Variants in PTPRC observed in about 807,000 individuals in gnomAD.
PTPRC encodes the protein protein tyrosine phosphatase receptor type C.
A neutral mutation model predicts 155.9 loss-of-function variants in PTPRC; 44 were observed. The ratio of observed to expected loss-of-function variants is 0.28; its 90% CI spans 0.22 to 0.36. The LOEUF is 0.36. PTPRC is among the 10% of genes least tolerant of loss of function. The pLI is 1.00. For missense variants in PTPRC, 1,401 were observed against 1,564.6 expected, an observed-to-expected ratio of 0.90 and a Z score of 1.76; for synonymous variants, 525 against 533.1, an observed-to-expected ratio of 0.98 and a Z score of 0.21.
chr1:198,676,330 C>A (rs3754097), intron 2 of PTPRC, among the ~76,000 whole-genome samples: 1 of 152,074 alleles, frequency 6.6e-6, no homozygotes, highest in Admixed American at 6.5e-5. Flanking sequence ...AAATTGAATA[C>A]GAACTTGAAA....
chr1:198,670,671 A>G (rs1045068677), intron 2 of PTPRC, among the ~76,000 whole-genome samples: 1 of 152,154 alleles, frequency 6.6e-6, no homozygotes, highest in Non-Finnish European at 1.5e-5. Flanking sequence ...ACAAGTCTCT[A>G]TCTAATTCAT....
chr1:198,725,873 T>C (rs1231399852), intron 15 of PTPRC, among the ~76,000 whole-genome samples: 1 of 152,192 alleles, frequency 6.6e-6, no homozygotes, highest in Non-Finnish European at 1.5e-5. Flanking sequence ...TGGCCTCCTT[T>C]CTTTTGTTTT....
intron 14 of PTPRC, among the ~76,000 whole-genome samples, chr1:198,721,408 T>G (rs1213687339): frequency 6.6e-6 from 1 of 152,188 alleles, no homozygotes; most frequent in Non-Finnish European, 1.5e-5. Context: ...GGATTGTACT[T>G]TGGTAAAATT....
chr1:198,730,817 A>T (rs1654352141), intron 17 of PTPRC, among the ~76,000 whole-genome samples: 1 of 152,100 alleles, frequency 6.6e-6, no homozygotes, highest in South Asian at 2.1e-4. Flanking sequence ...ATTGTATAGA[A>T]AGTTTCCATG....
At chr1:198,663,047 T>C (rs1664072566) in intron 2 of PTPRC, among the ~76,000 whole-genome samples, 1 of 152,178 alleles carries the variant, frequency 6.6e-6, no homozygotes, top group Non-Finnish European at 1.5e-5. Context: ...TGTGTTGTAC[T>C]TCCCACGTCT....
At chr1:198,720,598 G>A (rs1019943201) in intron 14 of PTPRC, among the ~76,000 whole-genome samples, 1 of 151,994 alleles carries the variant, frequency 6.6e-6, no homozygotes, top group African/African-American at 2.4e-5. Flanking sequence ...CAAAGTGCTG[G>A]GATTACAGGC....
At chr1:198,728,584 CA>C in intron 16 of PTPRC, 136 bp downstream of exon 16, 1 of 1,011,734 alleles carries the variant, frequency 9.9e-7, no homozygotes, top group Non-Finnish European at 1.4e-6. Context: ...CACTTCATGA[CA>C]CAACTTTTAA....
rs941109919 is a variant in PTPRC at position 198,699,675 on chromosome 1, A to G, written c.410A>G (p.Asn137Ser). Reference protein sequence around the residue: ...FSGSAANAKLNPTPGSNAISD... With the variant: ...FSGSAANAKLSPTPGSNAISD... ...GGCTCCGCCGCCAATGCAAAACTCA[A>G]CCCTACCCCAGGCAGCAATGCTATC... The change falls in exon 5 of 33, where the codon AAC becomes AGC. Residue 137 changes from asparagine (N) to serine (S), a missense_variant. By Grantham distance (46) the Asn-to-Ser change is conservative. Coordinates refer to ENST00000442510, the MANE Select transcript of PTPRC (RefSeq NM_002838.5). 10 of 1,613,844 alleles carry G rather than the reference A, an allele frequency of 6.2e-6. No individual in the cohort carries two copies. The highest frequency in any genetic ancestry group is 1.3e-5 in the African/African-American group (1 of 74,854).
chr1:198,716,658 A>AT (rs771878708), intron 12 of PTPRC, 24 bp from the exon 13 acceptor site: 22 of 1,604,792 alleles, frequency 1.4e-5, no homozygotes, highest in Admixed American at 3.3e-5. Flanking sequence ...CGACTTACTA[A>AT]TTTTTTTTCA....
chr1:198,644,207 T>C (rs1261762458), intron 2 of PTPRC, among the ~76,000 whole-genome samples: 1 of 151,902 alleles, frequency 6.6e-6, no homozygotes, highest in Non-Finnish European at 1.5e-5. Context: ...ATATCTTCAG[T>C]TTAAAATTAA....
chr1:198,659,522 A>G (rs537469967), intron 2 of PTPRC, among the ~76,000 whole-genome samples: 1 of 151,390 alleles, frequency 6.6e-6, no homozygotes, highest in African/African-American at 2.4e-5. Context: ...CCAAACCAAC[A>G]TGGCTTTGAA....
intron 15 of PTPRC, among the ~76,000 whole-genome samples, chr1:198,725,330 A>G (rs559052870): frequency 6.6e-6 from 1 of 152,336 alleles, no homozygotes; most frequent in South Asian, 2.1e-4. Context: ...GTGAGACAAC[A>G]GGAAAGGTTG....
At chr1:198,652,716 A>T (rs1469045231) in intron 2 of PTPRC, among the ~76,000 whole-genome samples, 1 of 151,820 alleles carries the variant, frequency 6.6e-6, no homozygotes, top group Non-Finnish European at 1.5e-5. Flanking sequence ...GAGGGAACCC[A>T]GGAGTCCATC....
rs746480752 is a variant in PTPRC, at chr1:198,696,756, C to T, written c.145C>T (p.Pro49Ser). 3.7e-6 allele frequency: 6 copies of T among 1,613,868 alleles called. No individual in the cohort carries two copies. Among genetic ancestry groups the T allele is most frequent in the South Asian group, 3.3e-5 (3 of 91,082 alleles). The change falls in exon 4 of 33, where the codon CCC becomes TCC. Residue 49 changes from proline (P) to serine (S), a missense_variant. Around this residue, in one of 3 missense-constraint regions of PTPRC, gnomAD observed 867 missense variants for 970.4 expected, o/e 0.89. Coordinates refer to ENST00000442510, the MANE Select transcript of PTPRC (RefSeq NM_002838.5). Reference protein sequence around the residue: ...KMPSVPLSSDPLPTHTTAFSP... With the variant: ...KMPSVPLSSDSLPTHTTAFSP... Reference sequence around the variant, plus strand: ...GCCCAGTGTTCCACTTTCAAGTGACCCCTTACCTACTCACACCACTGCATT... The same window carrying T: ...GCCCAGTGTTCCACTTTCAAGTGACTCCTTACCTACTCACACCACTGCATT...
chr1:198,679,882 C>T (rs1665202297), intron 2 of PTPRC: 1 of 619,192 alleles, frequency 1.6e-6, no homozygotes, highest in East Asian at 2.8e-5. Flanking sequence ...AAGATCATCC[C>T]ATGAAATGCT....
chr1:198,656,269 A>T (rs1476870829), intron 2 of PTPRC, among the ~76,000 whole-genome samples: 1 of 152,108 alleles, frequency 6.6e-6, no homozygotes, highest in Non-Finnish European at 1.5e-5. Flanking sequence ...CTTATTTCCA[A>T]TCATAGATGT....
chr1:198,667,222 G>T (rs888034139), intron 2 of PTPRC, among the ~76,000 whole-genome samples: 1 of 152,194 alleles, frequency 6.6e-6, no homozygotes, highest in Non-Finnish European at 1.5e-5. Context: ...TTATTGGCCA[G>T]AAATTTAACA....
chr1:198,751,232 A>G (rs980238353), intron 29 of PTPRC, among the ~76,000 whole-genome samples: 1 of 152,038 alleles, frequency 6.6e-6, no homozygotes, highest in African/African-American at 2.4e-5. Flanking sequence ...TTATTGCCAT[A>G]AAAGTCTATA....
intron 15 of PTPRC, among the ~76,000 whole-genome samples, chr1:198,724,437 G>T (rs1654034245): frequency 6.6e-6 from 1 of 151,816 alleles, no homozygotes; most frequent in South Asian, 2.1e-4. Context: ...CAGTTTTCTG[G>T]TTTAGATTTG....
Sources: gnomAD v4.1 joint callset for allele counts (sites outside exome capture counted in the v4.1 genomes callset) on GRCh38, gnomAD v4.1.1 for gene constraint, gnomAD v4.1.1 regional missense constraint, MANE v1.5 for transcripts, NCBI Gene and HGNC (gene_info 2026-07-23, HGNC 2026-07-21) for gene names.